The following SDCCAG8 variants were observed in gnomAD, a reference collection of about 807,000 sequenced individuals.
SDCCAG8 encodes serologically defined colon cancer antigen 8.
Under a neutral mutation model 101.8 loss-of-function variants are expected in SDCCAG8, and 74 were observed. The ratio of observed to expected loss-of-function variants is 0.73; its 90% CI spans 0.60 to 0.88. The LOEUF is 0.88. Ranked by LOEUF, SDCCAG8 falls within the 40% of genes least tolerant of loss-of-function variation. SDCCAG8 has a pLI of 0.00. For missense variants in SDCCAG8, 787 were observed against 822.6 expected (o/e 0.96, Z 0.53); for synonymous variants, 281 against 292.9 (o/e 0.96, Z 0.41).
chr1:243,391,071 T>A (rs1215308889), intron 13 of SDCCAG8, among the ~76,000 whole-genome samples: 1 of 152,200 alleles, frequency 6.6e-6, no homozygotes, highest in East Asian at 1.9e-4. Context: ...GTAGCTGGGA[T>A]GACATGTGCG....
At chr1:243,499,116 C>T (rs1045135912) in intron 17 of SDCCAG8, among the ~76,000 whole-genome samples, 1 of 152,184 alleles carries the variant, frequency 6.6e-6, no homozygotes, top group Non-Finnish European at 1.5e-5. Flanking sequence ...GAACAGTATT[C>T]AATACTTTCT....
At chr1:243,274,717 G>A in intron 4 of SDCCAG8, 61 bp downstream of exon 4, 2 of 1,019,690 alleles carry the variant, frequency 2.0e-6, no homozygotes, top group Non-Finnish European at 3.0e-6. Flanking sequence ...ACTATAGATT[G>A]TATTAAAATT....
intron 16 of SDCCAG8, among the ~76,000 whole-genome samples, chr1:243,487,267 G>GC (rs368519930): frequency 6.3e-4 from 96 of 151,734 alleles, no homozygotes; most frequent in Middle Eastern, 3.4e-3. Flanking sequence ...GACAGCCCGG[G>GC]CCCCCCCCTG....
chr1:243,493,662 A>G (rs931959834), intron 17 of SDCCAG8, among the ~76,000 whole-genome samples: 3 of 152,038 alleles, frequency 2.0e-5, no homozygotes, highest in Non-Finnish European at 4.4e-5. Context: ...TCAGTGGTTA[A>G]TCAGTTGGCC....
At chr1:243,442,598 A>G (rs1220729477) in intron 16 of SDCCAG8, among the ~76,000 whole-genome samples, 1 of 150,106 alleles carries the variant, frequency 6.7e-6, no homozygotes, top group Non-Finnish European at 1.5e-5. Flanking sequence ...CCTAATCTGT[A>G]GGGAAAAAGA....
Position 243,356,425 on chromosome 1 carries a change from G to GT in SDCCAG8, c.1473+12094_1473+12095insT, listed in dbSNP as rs202180325. 1.2e-3 allele frequency among the ~76,000 whole-genome samples: 182 copies of GT among 150,368 alleles called. 5 individuals are homozygous for GT. The highest frequency in any genetic ancestry group is 2.1e-3 in the South Asian group (10 of 4,704). On this transcript the variant is annotated intron_variant, in intron 12 of 17. Coordinates refer to ENST00000366541, the MANE Select transcript of SDCCAG8 (RefSeq NM_006642.5). ...AGAGAAAAGAAAAGTAGTGGCGGGGGGGTGGTGGGGGAAGTGGGAAGAGAA... is the reference window on the plus strand; with the variant it reads ...AGAGAAAAGAAAAGTAGTGGCGGGGGTGGTGGTGGGGGAAGTGGGAAGAGAA...
chr1:243,419,539 A>G (rs764584431), intron 15 of SDCCAG8, among the ~76,000 whole-genome samples: 3 of 152,174 alleles, frequency 2.0e-5, no homozygotes, highest in South Asian at 2.1e-4. Flanking sequence ...AATTAGGGAA[A>G]TTTATTATAT....
At chr1:243,409,331 T>C (rs1452164120) in intron 13 of SDCCAG8, among the ~76,000 whole-genome samples, 1 of 152,194 alleles carries the variant, frequency 6.6e-6, no homozygotes, top group Admixed American at 6.5e-5. Context: ...TGTTGTTGGA[T>C]TGTAATTGGA....
intron 16 of SDCCAG8, among the ~76,000 whole-genome samples, chr1:243,487,512 A>T (rs1444077418): frequency 6.6e-6 from 1 of 151,908 alleles, no homozygotes; most frequent in African/African-American, 2.4e-5. Context: ...ACAGGGAAAC[A>T]CTCCTACTTG....
At chr1:243,267,330 C>T (rs536412042) in intron 1 of SDCCAG8, 5 of 238,982 alleles carry the variant, frequency 2.1e-5, no homozygotes, top group Admixed American at 5.0e-5. Context: ...GGCGTGGTGG[C>T]TTACGCCTGT....
intron 16 of SDCCAG8, among the ~76,000 whole-genome samples, chr1:243,464,344 G>C (rs1659717512): frequency 1.3e-5 from 2 of 152,062 alleles, no homozygotes; most frequent in African/African-American, 2.4e-5. Flanking sequence ...GTCACAACTT[G>C]GTAATTCTGT....
intron 17 of SDCCAG8, among the ~76,000 whole-genome samples, chr1:243,496,684 G>A (rs796338614): frequency 1.1e-4 from 16 of 152,336 alleles, no homozygotes; most frequent in African/African-American, 3.8e-4. Context: ...ACTTCTGGCT[G>A]GTTTGGGAAC....
At chr1:243,368,541 C>T (rs2077115097) in intron 12 of SDCCAG8, among the ~76,000 whole-genome samples, 1 of 152,144 alleles carries the variant, frequency 6.6e-6, no homozygotes, top group Non-Finnish European at 1.5e-5. Flanking sequence ...CCTTCGTTAA[C>T]ATAGCTCTTG....
intron 13 of SDCCAG8, among the ~76,000 whole-genome samples, chr1:243,394,574 T>C (rs912881510): frequency 6.7e-6 from 1 of 148,592 alleles, no homozygotes; most frequent in African/African-American, 2.6e-5. Context: ...GAAAAACAAA[T>C]AAACCAGAGA....
At position 243,412,893 on chromosome 1, in the gene SDCCAG8, G is replaced by A. The variant is rs142928977; in HGVS notation, c.1617-2809G>A. Among the ~76,000 whole-genome samples, 9 of 151,844 alleles carry A rather than the reference G, an allele frequency of 5.9e-5. No homozygotes were observed. The East Asian group carries it at 1.6e-3, about 26-fold the overall frequency. ...AGAGGGTTTGATGAAACACATTTGA[G>A]GTTCCCTTTTAGTTCTAACATTCTG... On this transcript the variant is annotated intron_variant, in intron 13 of 17. Coordinates refer to ENST00000366541, the MANE Select transcript of SDCCAG8 (RefSeq NM_006642.5).
chr1:243,301,797 G>A (rs2071536481), intron 6 of SDCCAG8, among the ~76,000 whole-genome samples: 1 of 152,130 alleles, frequency 6.6e-6, no homozygotes, highest in African/African-American at 2.4e-5. Flanking sequence ...AAAACAAAAG[G>A]AAAGTAAAGG....
intron 4 of SDCCAG8, among the ~76,000 whole-genome samples, chr1:243,279,361 GA>G (rs1252574978): frequency 6.6e-6 from 1 of 152,164 alleles, no homozygotes; most frequent in Non-Finnish European, 1.5e-5. Flanking sequence ...AAAATGCATT[GA>G]ATATACTATA....
At chr1:243,286,126 G>T (rs1052480414) in intron 4 of SDCCAG8, 146 bp from the exon 5 acceptor site, 2 of 847,808 alleles carry the variant, frequency 2.4e-6, no homozygotes, top group Non-Finnish European at 1.9e-6. Context: ...ATGTTAGGCT[G>T]CCTTGTTTGT....
At chr1:243,476,232 G>C (rs531609738) in intron 16 of SDCCAG8, 2 of 985,468 alleles carry the variant, frequency 2.0e-6, no homozygotes, top group South Asian at 9.4e-5. Flanking sequence ...AAGGGTCAGC[G>C]GGGAGGCTGC....
Sources: gnomAD v4.1 joint callset for allele counts (sites outside exome capture counted in the v4.1 genomes callset) on GRCh38, gnomAD v4.1.1 for gene constraint, MANE v1.5 for transcripts, NCBI Gene and HGNC (gene_info 2026-07-23, HGNC 2026-07-21) for gene names.